Variants in DSG4 observed in about 807,000 individuals in gnomAD.
DSG4 encodes the protein desmoglein-4.
In DSG4, 87 loss-of-function variants were observed where a neutral mutation model predicts 93.1. The ratio of observed to expected loss-of-function variants is 0.93; its 90% confidence interval spans 0.79 to 1.12. The LOEUF (loss-of-function observed/expected upper bound fraction) is 1.12, where lower values mean the gene tolerates loss of function less well. Among genes scored for constraint, DSG4 ranks in the 50% most tolerant of loss-of-function variants. The pLI, the probability that DSG4 is intolerant of heterozygous loss-of-function variation, is 0.00. For missense variants in DSG4, 1,373 were observed against 1,285.7 expected, an observed-to-expected ratio of 1.07 and a Z score of -1.04; for synonymous variants, 432 against 452.9, an observed-to-expected ratio of 0.95 and a Z score of 0.59.
rs75140917 is a variant in DSG4 at position 31,414,408 on chromosome 18, G to T, written c.*813G>T. 1.5e-4 allele frequency: 23 copies of T among 152,144 alleles called. No individual in the cohort carries two copies. The East Asian group carries it at 2.7e-3, about 18-fold the overall frequency. The allele number at this position is 152,144 out of a possible 1,614,324, so 9.4% of individuals were successfully genotyped here. ...ATGTCAGAAAAATACATGAAATATG[G>T]CTTAACCAATTTCATTGACCTGAAT... On this transcript the variant is annotated 3_prime_UTR_variant, in exon 16 of 16. Coordinates refer to ENST00000308128, the MANE Select transcript of DSG4 (RefSeq NM_177986.5).
In DSG4 at chr18:31,400,877, ACAG is replaced by A; in HGVS notation, c.1278-3_1278-1del. The A allele has an allele frequency of 6.2e-7, 1 of 1,611,604 alleles. No homozygotes were observed. Among genetic ancestry groups the A allele is most frequent in the Non-Finnish European group, 8.5e-7 (1 of 1,178,654 alleles). Reference sequence around the variant, plus strand: ...TGATAACGAACTTTTTTATTTAAAAACAGATATATCATAGGGCATGATGCAGGC... The same window carrying A: ...TGATAACGAACTTTTTTATTTAAAAAATATATCATAGGGCATGATGCAGGC... On this transcript the variant is annotated splice_acceptor_variant and splice_polypyrimidine_tract_variant and intron_variant, in intron 9 of 15. Coordinates refer to ENST00000308128, the MANE Select transcript of DSG4 (RefSeq NM_177986.5). LOFTEE classifies it high-confidence loss of function.
intron 5 of DSG4, among the ~76,000 whole-genome samples, chr18:31,389,877 C>T (rs141862703): frequency 1.2e-3 from 190 of 152,230 alleles, no homozygotes; most frequent in African/African-American, 4.5e-3. Flanking sequence ...GGAGAGCCAA[C>T]ACAAAGAGAG....
intron 1 of DSG4, among the ~76,000 whole-genome samples, chr18:31,379,811 A>G (rs771660544): frequency 2.0e-5 from 3 of 152,166 alleles, no homozygotes; most frequent in Non-Finnish European, 4.4e-5. Flanking sequence ...ATTTGTTTCT[A>G]TTTACTTGTC....
intron 8 of DSG4, among the ~76,000 whole-genome samples, chr18:31,398,189 A>G (rs751984805): frequency 7.2e-5 from 11 of 152,158 alleles, no homozygotes; most frequent in Non-Finnish European, 1.3e-4. Context: ...TGTGCTAAGT[A>G]TCATGTGGGG....
intron 8 of DSG4, among the ~76,000 whole-genome samples, chr18:31,393,489 A>G (rs1442273599): frequency 6.6e-6 from 1 of 152,158 alleles, no homozygotes; most frequent in Non-Finnish European, 1.5e-5. Flanking sequence ...TCACATGACA[A>G]GGGCAGTAGC....
intron 14 of DSG4, chr18:31,411,019 C>A (rs1023871946): frequency 1.4e-6 from 2 of 1,413,456 alleles, no homozygotes; most frequent in Admixed American, 2.3e-5. Context: ...GGCCACGTCC[C>A]ACCACTGACT....
At chr18:31,404,342 T>C (rs2072401845) in intron 11 of DSG4, among the ~76,000 whole-genome samples, 1 of 152,242 alleles carries the variant, frequency 6.6e-6, no homozygotes. Context: ...TACAATTGAA[T>C]GGCTGACATC....
intron 3 of DSG4, among the ~76,000 whole-genome samples, chr18:31,387,671 A>C (rs2144171621): frequency 6.6e-6 from 1 of 152,236 alleles, no homozygotes; most frequent in Admixed American, 6.5e-5. Flanking sequence ...AAGCTAACCA[A>C]AGTTCTATTT....
At chr18:31,387,843 A>G (rs1255947772) in intron 3 of DSG4, among the ~76,000 whole-genome samples, 1 of 152,138 alleles carries the variant, frequency 6.6e-6, no homozygotes, top group Non-Finnish European at 1.5e-5. Context: ...GTGGCAGAAT[A>G]TTTGCCATAA....
chr18:31,393,914 A>G (rs2072276777), intron 8 of DSG4, among the ~76,000 whole-genome samples: 1 of 152,214 alleles, frequency 6.6e-6, no homozygotes, highest in Non-Finnish European at 1.5e-5. Flanking sequence ...ATATTTATAT[A>G]TAAGATTGTC....
chr18:31,400,949 C>T lies in DSG4; in HGVS notation c.1346C>T (p.Ser449Phe). 1 of 1,612,174 alleles carries T rather than the reference C, an allele frequency of 6.2e-7. No homozygotes were observed. Among genetic ancestry groups the T allele is most frequent in the Non-Finnish European group, 8.5e-7 (1 of 1,178,880 alleles). ...TCAAGAACTGGTGAGATACAATTTT[C>T]TAGAGAATTTGATAAGAAGTCAAAA... ...IDSRTGEIQFSREFDKKSKYI... is the reference protein window; with the variant it reads ...IDSRTGEIQFFREFDKKSKYI... The change falls in exon 10 of 16, where the codon TCT (serine) becomes TTT (phenylalanine). Residue 449 changes from serine (S) to phenylalanine (F), a missense_variant. By Grantham distance (155) the Ser-to-Phe change is radical. Transcript: ENST00000308128.
At chr18:31,378,094 C>T (rs528664824) in intron 1 of DSG4, among the ~76,000 whole-genome samples, 2 of 152,310 alleles carry the variant, frequency 1.3e-5, no homozygotes, top group African/African-American at 4.8e-5. Context: ...GGCACACAAC[C>T]CCAAGCTCAA....
intron 1 of DSG4, 119 bp downstream of exon 1, chr18:31,377,078 TC>T: frequency 9.0e-7 from 1 of 1,114,050 alleles, no homozygotes; most frequent in Non-Finnish European, 1.3e-6. Context: ...CAAAGAGAGT[TC>T]TAGAAGTCCA....
chr18:31,377,107 A>C, intron 1 of DSG4, 148 bp downstream of exon 1: 1 of 919,594 alleles, frequency 1.1e-6, no homozygotes, highest in South Asian at 1.5e-5. Flanking sequence ...TTAATTTCAA[A>C]CAACTCTCTC....
Position 31,381,792 on chromosome 18 carries a change from T to C in DSG4, c.49-3344T>C, listed in dbSNP as rs538266943. 2.0e-3 allele frequency among the ~76,000 whole-genome samples: 303 copies of C among 152,000 alleles called. 1 individual carries two copies. Among genetic ancestry groups the C allele is most frequent in the African/African-American group, 6.8e-3 (281 of 41,490 alleles). Reference sequence around the variant, plus strand: ...CTCCTGCCTCAGCCTCACTGGTAGCTTGGGATTACAGGCACCCGCCACCAC... The same window carrying C: ...CTCCTGCCTCAGCCTCACTGGTAGCCTGGGATTACAGGCACCCGCCACCAC... On this transcript the variant is annotated intron_variant, in intron 1 of 15. Transcript: ENST00000308128.
At chr18:31,403,173 G>T (rs554676254) in intron 10 of DSG4, among the ~76,000 whole-genome samples, 1 of 152,140 alleles carries the variant, frequency 6.6e-6, no homozygotes, top group Non-Finnish European at 1.5e-5. Flanking sequence ...AGGGTGAAAA[G>T]AATGTGCCAG....
intron 1 of DSG4, among the ~76,000 whole-genome samples, chr18:31,378,676 G>A (rs775269640): frequency 2.0e-5 from 3 of 152,036 alleles, no homozygotes; most frequent in Non-Finnish European, 4.4e-5. Context: ...CGGTAATTGT[G>A]AAAAAGTTCT....
chr18:31,396,510 A>G (rs548100047), intron 8 of DSG4, among the ~76,000 whole-genome samples: 4 of 151,716 alleles, frequency 2.6e-5, no homozygotes, highest in Non-Finnish European at 5.9e-5. Context: ...ATGCGCCACC[A>G]CACCCGGCTA....
intron 10 of DSG4, 114 bp downstream of exon 10, chr18:31,401,134 A>G: frequency 2.3e-6 from 2 of 881,606 alleles, no homozygotes; most frequent in East Asian, 2.8e-5. Context: ...TGTATGCAAG[A>G]CTTATGGAAA....
Sources: gnomAD v4.1 joint callset for allele counts (sites outside exome capture counted in the v4.1 genomes callset) on GRCh38, gnomAD v4.1.1 for gene constraint, MANE v1.5 for transcripts, NCBI Gene and HGNC (gene_info 2026-07-23, HGNC 2026-07-21) for gene names.